RALGPS1: variants seen among roughly 807,000 people sequenced by gnomAD.
The protein encoded by RALGPS1 is ras-specific guanine nucleotide-releasing factor RalGPS1.
RALGPS1 carries 19 observed loss-of-function variants against 78.8 expected under a neutral mutation model. The ratio of observed to expected loss-of-function variants is 0.24; its 90% CI spans 0.17 to 0.35. The LOEUF (loss-of-function observed/expected upper bound fraction) is 0.35, where lower values mean the gene tolerates loss of function less well. Among genes scored for constraint, RALGPS1 ranks in the 10% least tolerant of loss-of-function variants. The pLI is 1.00. For missense variants in RALGPS1, 454 were observed against 688.3 expected, an observed-to-expected ratio of 0.66 and a Z score of 3.81; for synonymous variants, 228 against 256.3, an observed-to-expected ratio of 0.89 and a Z score of 1.06.
At chr9:127,204,370 C>T (rs1040323998) in intron 14 of RALGPS1, among the ~76,000 whole-genome samples, 3 of 152,012 alleles carry the variant, frequency 2.0e-5, no homozygotes, top group Non-Finnish European at 4.4e-5. Flanking sequence ...TGGGGGCCAC[C>T]CCCACTTCCA....
At chr9:127,167,022 G>A (rs2059327285) in intron 9 of RALGPS1, among the ~76,000 whole-genome samples, 1 of 151,764 alleles carries the variant, frequency 6.6e-6, no homozygotes. Context: ...GCCGTGAAGG[G>A]GGTGTGGTGC....
At chr9:127,185,313 A>G (rs954401193) in intron 11 of RALGPS1, among the ~76,000 whole-genome samples, 6 of 152,080 alleles carry the variant, frequency 3.9e-5, no homozygotes, top group Non-Finnish European at 7.4e-5. Flanking sequence ...CTCTCTGTCA[A>G]CCCGAGTCTG....
At chr9:127,043,708 A>G (rs2047515500) in intron 5 of RALGPS1, among the ~76,000 whole-genome samples, 1 of 152,254 alleles carries the variant, frequency 6.6e-6, no homozygotes, top group Non-Finnish European at 1.5e-5. Flanking sequence ...AAACACATAT[A>G]TGATAAAGGA....
rs889342019 is a variant in RALGPS1 at position 127,221,006 on chromosome 9, A to T, written c.*2237A>T. ...GTCTGCTTCCACGTCCTCTCCCAGG[A>T]ACATTCTTAGCTCGGACTCTTGAAG... On this transcript the variant is annotated 3_prime_UTR_variant, in exon 19 of 19. Coordinates refer to ENST00000259351, the MANE Select transcript of RALGPS1 (RefSeq NM_014636.3). 6.6e-6 allele frequency: 1 copy of T among 152,588 alleles called. No individual in the cohort carries two copies. Among genetic ancestry groups the T allele is most frequent in the Non-Finnish European group, 1.5e-5 (1 of 68,040 alleles). 9.5% of individuals were successfully genotyped at this position (152,588 alleles called of 1,614,324 possible).
chr9:127,038,530 C>G (rs1314181108), intron 5 of RALGPS1, among the ~76,000 whole-genome samples: 1 of 152,222 alleles, frequency 6.6e-6, no homozygotes, highest in East Asian at 1.9e-4. Flanking sequence ...GTTACTCTTT[C>G]CTCATTGTGT....
chr9:127,080,996 G>A (rs1429820182), intron 8 of RALGPS1, among the ~76,000 whole-genome samples: 1 of 152,154 alleles, frequency 6.6e-6, no homozygotes, highest in African/African-American at 2.4e-5. Flanking sequence ...CCTTATCTGT[G>A]TGTCTTTATC....
At chr9:127,210,762 C>T (rs555036312) in intron 14 of RALGPS1, 11 of 1,550,358 alleles carry the variant, frequency 7.1e-6, no homozygotes, top group East Asian at 2.4e-5. Context: ...TCCCAGAACC[C>T]GGAGCTGTGT....
At chr9:127,078,077 A>G (rs1290471494) in intron 8 of RALGPS1, among the ~76,000 whole-genome samples, 2 of 152,050 alleles carry the variant, frequency 1.3e-5, no homozygotes, top group Admixed American at 6.5e-5. Context: ...AAATCTAGGC[A>G]TTCAACCCTC....
chr9:127,108,746 G>T, intron 8 of RALGPS1: 2 of 1,589,648 alleles, frequency 1.3e-6, no homozygotes, highest in South Asian at 1.1e-5. Flanking sequence ...CTTGCAAAAT[G>T]GTGGTTATTC....
At chr9:127,070,382 A>G (rs1217395050) in intron 8 of RALGPS1, among the ~76,000 whole-genome samples, 1 of 152,216 alleles carries the variant, frequency 6.6e-6, no homozygotes, top group Admixed American at 6.5e-5. Flanking sequence ...CCTTATTGCA[A>G]AAACTTTCTA....
At chr9:127,053,210 G>A (rs2048439811) in intron 7 of RALGPS1, among the ~76,000 whole-genome samples, 3 of 152,144 alleles carry the variant, frequency 2.0e-5, no homozygotes, top group East Asian at 1.9e-4. Flanking sequence ...AGTGATGACC[G>A]GGTCAGCGGC....
intron 10 of RALGPS1, among the ~76,000 whole-genome samples, chr9:127,171,886 G>A (rs913577173): frequency 1.3e-5 from 2 of 152,168 alleles, no homozygotes; most frequent in Non-Finnish European, 2.9e-5. Flanking sequence ...GAGAATATTA[G>A]CCCTCTCCCC....
intron 11 of RALGPS1, among the ~76,000 whole-genome samples, chr9:127,175,342 G>A (rs891647911): frequency 2.6e-5 from 4 of 152,216 alleles, no homozygotes; most frequent in African/African-American, 9.6e-5. Context: ...TCCACAGAAT[G>A]AAGATAATAT....
chr9:127,058,222 G>A (rs1468027440), intron 7 of RALGPS1, among the ~76,000 whole-genome samples: 1 of 152,242 alleles, frequency 6.6e-6, no homozygotes, highest in Non-Finnish European at 1.5e-5. Flanking sequence ...GTGAGAGGCA[G>A]TGACTGGGCA....
chr9:127,194,373 G>A (rs1320239252), intron 11 of RALGPS1, among the ~76,000 whole-genome samples: 1 of 152,212 alleles, frequency 6.6e-6, no homozygotes, highest in Non-Finnish European at 1.5e-5. Flanking sequence ...GAAAGTGGCT[G>A]TGTAAGAGCT....
intron 1 of RALGPS1, among the ~76,000 whole-genome samples, chr9:126,957,934 C>G (rs1432770195): frequency 6.6e-6 from 1 of 151,568 alleles, no homozygotes; most frequent in Non-Finnish European, 1.5e-5. Context: ...AGCCCAGCCT[C>G]AAGACTAGCC....
At chr9:127,141,323 A>G (rs1055858505) in intron 8 of RALGPS1, among the ~76,000 whole-genome samples, 2 of 152,190 alleles carry the variant, frequency 1.3e-5, no homozygotes, top group African/African-American at 4.8e-5. Flanking sequence ...TTTTTGTGCC[A>G]AACTGAAATT....
chr9:127,022,538 T>G (rs1322024664), intron 4 of RALGPS1, among the ~76,000 whole-genome samples: 3 of 150,998 alleles, frequency 2.0e-5, no homozygotes, highest in South Asian at 4.2e-4. Context: ...AAAATTGCAC[T>G]CTTTACCTTC....
chr9:127,041,614 C>T (rs2047330602), intron 5 of RALGPS1, among the ~76,000 whole-genome samples: 2 of 152,102 alleles, frequency 1.3e-5, no homozygotes, highest in South Asian at 2.1e-4. Context: ...GTTCTGGGTG[C>T]CTCACGTGAG....
Sources: allele counts gnomAD v4.1 joint callset (sites outside exome capture counted in the v4.1 genomes callset), GRCh38; gene constraint gnomAD v4.1.1; transcripts MANE v1.5; gene names NCBI Gene and HGNC (gene_info 2026-07-23, HGNC 2026-07-21).